The following TGFBR3 variants were observed in gnomAD, a reference collection of about 807,000 sequenced individuals.
TGFBR3 encodes the protein transforming growth factor beta receptor 3.
Under a neutral mutation model 87.9 loss-of-function variants are expected in TGFBR3, and 46 were observed. The ratio of observed to expected loss-of-function variants is 0.52; its 90% CI spans 0.41 to 0.67. The LOEUF is 0.67. Ranked by LOEUF, TGFBR3 falls within the 30% of genes least tolerant of loss-of-function variation. TGFBR3 has a pLI of 0.00. For synonymous variants in TGFBR3, 381 were observed against 391.6 expected (o/e 0.97, Z 0.32); for missense variants, 866 against 1,041.9 (o/e 0.83, Z 2.32).
chr1:91,884,873 C>T (rs1471794797), intron 1 of TGFBR3, among the ~76,000 whole-genome samples: 1 of 152,224 alleles, frequency 6.6e-6, no homozygotes, highest in Non-Finnish European at 1.5e-5. Flanking sequence ...TCTCCCAAAC[C>T]GCTCACTTCT....
intron 12 of TGFBR3, 63 bp downstream of exon 12, chr1:91,716,165 TTTTAGCTG>T: frequency 1.9e-6 from 3 of 1,589,808 alleles, no homozygotes; most frequent in Non-Finnish European, 2.6e-6. Flanking sequence ...GTACAGGGTA[TTTTAGCTG>T]ATGTCTAAGG....
At chr1:91,750,361 T>G (rs904793026) in intron 4 of TGFBR3, among the ~76,000 whole-genome samples, 1 of 152,174 alleles carries the variant, frequency 6.6e-6, no homozygotes, top group African/African-American at 2.4e-5. Context: ...TTTCCAATGT[T>G]CTAATTGCCA....
chr1:91,815,517 G>A (rs537450567), intron 2 of TGFBR3, among the ~76,000 whole-genome samples: 3 of 152,020 alleles, frequency 2.0e-5, no homozygotes, highest in African/African-American at 7.2e-5. Flanking sequence ...CCCACTTTAC[G>A]TTACAAAAAA....
chr1:91,855,599 A>T (rs554799908), intron 2 of TGFBR3, among the ~76,000 whole-genome samples: 1 of 152,248 alleles, frequency 6.6e-6, no homozygotes, highest in East Asian at 1.9e-4. Flanking sequence ...CATTTTTTGT[A>T]TTAAAAAGAA....
chr1:91,837,780 A>G (rs1171354022), intron 2 of TGFBR3, among the ~76,000 whole-genome samples: 2 of 150,760 alleles, frequency 1.3e-5, no homozygotes, highest in African/African-American at 4.9e-5. Flanking sequence ...CTTGCTCATT[A>G]CAGTAAAATC....
chr1:91,716,192 C>T, intron 12 of TGFBR3, 44 bp downstream of exon 12: 2 of 1,612,348 alleles, frequency 1.2e-6, no homozygotes. Context: ...GGAACTATAG[C>T]CCAGCACTAA....
At chr1:91,877,125 C>G (rs377708941) in intron 1 of TGFBR3, among the ~76,000 whole-genome samples, 1 of 152,056 alleles carries the variant, frequency 6.6e-6, no homozygotes, top group Non-Finnish European at 1.5e-5. Flanking sequence ...AAAGAAAACA[C>G]GTAAATCCCC....
At chr1:91,840,417 T>C (rs1287050483) in intron 2 of TGFBR3, among the ~76,000 whole-genome samples, 1 of 150,254 alleles carries the variant, frequency 6.7e-6, no homozygotes, top group Admixed American at 6.6e-5. Flanking sequence ...GATTTTGTAA[T>C]ATCATGCATG....
intron 7 of TGFBR3, among the ~76,000 whole-genome samples, chr1:91,724,227 G>GAAA (rs1271701042): frequency 8.6e-4 from 131 of 152,258 alleles, no homozygotes; most frequent in African/African-American, 2.9e-3. Flanking sequence ...GGCTAGGGAG[G>GAAA]AAAGAAACAA....
At chr1:91,828,934 T>C (rs1031830885) in intron 2 of TGFBR3, among the ~76,000 whole-genome samples, 1 of 152,176 alleles carries the variant, frequency 6.6e-6, no homozygotes, top group Non-Finnish European at 1.5e-5. Context: ...AGCTGACTTA[T>C]ACGTACGTGA....
intron 12 of TGFBR3, among the ~76,000 whole-genome samples, chr1:91,714,398 G>C (rs1672088107): frequency 6.6e-6 from 1 of 152,184 alleles, no homozygotes; most frequent in African/African-American, 2.4e-5. Context: ...GCCATTATGT[G>C]ACCAACAGTC....
intron 3 of TGFBR3, among the ~76,000 whole-genome samples, chr1:91,793,513 A>G (rs1387967209): frequency 6.6e-6 from 1 of 152,112 alleles, no homozygotes; most frequent in Admixed American, 6.6e-5. Flanking sequence ...TGCCTTTAAT[A>G]TTTGGTAGAG....
upstream of TGFBR3, among the ~76,000 whole-genome samples, chr1:91,886,824 T>A (rs1679332201): frequency 6.6e-6 from 1 of 151,870 alleles, no homozygotes; most frequent in Admixed American, 6.6e-5. Context: ...TTAATACAAA[T>A]AATGGAGCTA....
intron 12 of TGFBR3, among the ~76,000 whole-genome samples, chr1:91,715,850 C>T (rs545504250): frequency 1.4e-5 from 2 of 143,750 alleles, no homozygotes; most frequent in South Asian, 4.3e-4. Flanking sequence ...GGGGACTGTG[C>T]AGGGAAAAAA....
At chr1:91,801,534 G>A (rs1675629363) in intron 2 of TGFBR3, among the ~76,000 whole-genome samples, 1 of 152,034 alleles carries the variant, frequency 6.6e-6, no homozygotes, top group Admixed American at 6.5e-5. Context: ...ATAGATTTAG[G>A]GGTGAGATCT....
At chr1:91,686,608 A>AAG (rs66762332) in intron 16 of TGFBR3, among the ~76,000 whole-genome samples, 22 of 5,914 alleles carry the variant, frequency 3.7e-3, no homozygotes, top group Middle Eastern at 0.083. Flanking sequence ...TTGACAGATT[A>AAG]AGTTTTTTCA....
intron 4 of TGFBR3, among the ~76,000 whole-genome samples, chr1:91,742,710 C>T (rs931743108): frequency 7.2e-5 from 11 of 152,120 alleles, no homozygotes; most frequent in Non-Finnish European, 1.2e-4. Context: ...TCCTAGTAAA[C>T]GTTTGTTGAA....
chr1:91,703,894 TA>T (rs1390122195), intron 14 of TGFBR3, among the ~76,000 whole-genome samples: 1 of 152,230 alleles, frequency 6.6e-6, no homozygotes, highest in African/African-American at 2.4e-5. Flanking sequence ...AATACTCTGC[TA>T]AACAGGTTAC....
chr1:91,763,213 T>C lies in TGFBR3; in HGVS notation c.247-4463A>G, dbSNP rs561165639. 9.2e-5 allele frequency among the ~76,000 whole-genome samples: 14 copies of C among 152,336 alleles called. No homozygotes were observed. The South Asian group carries it at 1.2e-3, about 14-fold the overall frequency. On this transcript the variant is annotated intron_variant, in intron 3 of 16. Transcript: ENST00000212355. ...ATATAGATGCAAGGCATTTCTACCA[T>C]AGAGATTTCAGAATATGAATTAGTT...
Sources: gnomAD v4.1 joint callset for allele counts (sites outside exome capture counted in the v4.1 genomes callset) on GRCh38, gnomAD v4.1.1 for gene constraint, MANE v1.5 for transcripts, NCBI Gene and HGNC (gene_info 2026-07-23, HGNC 2026-07-21) for gene names.